REEP5: variants seen among roughly 807,000 people sequenced by gnomAD.
The protein encoded by REEP5 is receptor accessory protein 5.
In REEP5, 24 loss-of-function variants were observed where a neutral mutation model predicts 22.4. The observed-to-expected ratio is 1.07, with a 90% confidence interval of 0.78 to 1.51. The LOEUF (loss-of-function observed/expected upper bound fraction) is 1.51, where lower values mean the gene tolerates loss of function less well. REEP5 is among the 40% of genes most tolerant of loss of function. REEP5 has a pLI of 0.00. For missense variants in REEP5, 252 were observed against 233.0 expected (o/e 1.08, Z -0.53); for synonymous variants, 103 against 88.6 (o/e 1.16, Z -0.92).
At chr5:112,892,367 A>G (rs1320576444) in intron 3 of REEP5, 1 of 1,613,964 alleles carries the variant, frequency 6.2e-7, no homozygotes, top group East Asian at 2.2e-5. Context: ...CAGTTCCTAG[A>G]TTTCTATGAG....
Position 112,891,787 on chromosome 5 carries a change from CAGG to C in REEP5, c.352-4607_352-4605del, listed in dbSNP as rs1768461644. ...TCGACTGAGAGACTCAGGACTCTCA[CAGG>C]AGGAGGAAGAGGACACTTTTATTGA... On this transcript the variant is annotated intron_variant, in intron 3 of 4. Coordinates refer to ENST00000379638, the MANE Select transcript of REEP5 (RefSeq NM_005669.5). The C allele has an allele frequency of 1.9e-6, 3 of 1,608,534 alleles. No homozygotes were observed. In the South Asian group the frequency reaches 3.3e-5, roughly 18 times the overall value.
At chr5:112,908,914 G>A (rs1322584612) in intron 2 of REEP5, among the ~76,000 whole-genome samples, 1 of 141,076 alleles carries the variant, frequency 7.1e-6, no homozygotes, top group Admixed American at 7.1e-5. Flanking sequence ...GATATAATCT[G>A]TTTTGTTTTA....
chr5:112,914,512 G>A (rs1238747782), intron 2 of REEP5, among the ~76,000 whole-genome samples: 2 of 152,108 alleles, frequency 1.3e-5, no homozygotes, highest in African/African-American at 4.8e-5. Flanking sequence ...CAAAAAAACT[G>A]TTTGAATGAT....
chr5:112,884,913 G>A (rs567308658), intron 4 of REEP5, among the ~76,000 whole-genome samples: 9 of 151,736 alleles, frequency 5.9e-5, no homozygotes, highest in South Asian at 2.1e-4. Flanking sequence ...TGGTCTCTTC[G>A]GTATGCTGGT....
chr5:112,891,566 G>C, intron 3 of REEP5: 1 of 1,548,096 alleles, frequency 6.5e-7, no homozygotes, highest in Non-Finnish European at 8.7e-7. Flanking sequence ...CACTGACAGT[G>C]GCAGCTATGA....
At chr5:112,917,779 C>T (rs56032622) in intron 2 of REEP5, among the ~76,000 whole-genome samples, 1 of 152,172 alleles carries the variant, frequency 6.6e-6, no homozygotes, top group African/African-American at 2.4e-5. Flanking sequence ...ATGATTCCGT[C>T]TACATGAAAT....
chr5:112,891,937 G>C, intron 3 of REEP5: 13 of 1,241,134 alleles, frequency 1.0e-5, no homozygotes, highest in East Asian at 2.3e-5. Flanking sequence ...AAAGGAAGAG[G>C]CGGCTAAAAA....
At chr5:112,881,128 C>CAAAAAAAAAAAA (rs58737941) in intron 4 of REEP5, among the ~76,000 whole-genome samples, 1 of 67,204 alleles carries the variant, frequency 1.5e-5, no homozygotes. Flanking sequence ...GACTCTGTTT[C>CAAAAAAAAAAAA]AAAAAAAAAA....
Position 112,878,709 on chromosome 5 carries a change from A to G in REEP5, c.*77T>C, listed in dbSNP as rs1767971283. On this transcript the variant is annotated 3_prime_UTR_variant, in exon 5 of 5. Coordinates refer to ENST00000379638, the MANE Select transcript of REEP5 (RefSeq NM_005669.5). ...CCAAGGCAACATTATTAAAATAATT[A>G]TACCACAGTCCCTAATATAACATCA... 3 of 1,558,640 alleles carry G rather than the reference A, an allele frequency of 1.9e-6. No homozygotes were observed. Among genetic ancestry groups the G allele is most frequent in the African/African-American group, 2.8e-5 (2 of 72,522 alleles).
intron 3 of REEP5, chr5:112,893,990 CTG>C (rs998740084): frequency 6.6e-6 from 1 of 152,222 alleles, no homozygotes; most frequent in Non-Finnish European, 1.5e-5. Flanking sequence ...AATTAAATGA[CTG>C]TATTTTTCAC....
In REEP5 at chr5:112,878,815, A is replaced by C; in HGVS notation, c.541T>G (p.Leu181Val). The change falls in exon 5 of 5, where the codon TTA becomes GTA. Residue 181 changes from leucine to valine, a missense_variant. Transcript: ENST00000379638. The stretch of plus-strand genomic sequence containing the variant: ...GTGCTCTTCTTTTCTTCACCCAGTA[A>C]ATTCACGGTAGCTTTCTTCGCTGTT... The part of the protein sequence containing the change: ...TKEAKKATVN[L>V]LGEEKKST The C allele has an allele frequency of 6.2e-7, 1 of 1,614,074 alleles. No individual in the cohort carries two copies. The highest frequency in any genetic ancestry group is 8.5e-7 in the Non-Finnish European group (1 of 1,180,002).
intron 3 of REEP5, chr5:112,898,201 A>T (rs1005296229): frequency 4.6e-5 from 7 of 152,234 alleles, no homozygotes; most frequent in Admixed American, 2.6e-4. Flanking sequence ...TCTCCTACAG[A>T]CGAGACTCTG....
intron 2 of REEP5, among the ~76,000 whole-genome samples, chr5:112,911,921 A>G (rs1769112561): frequency 6.6e-6 from 1 of 152,212 alleles, no homozygotes; most frequent in South Asian, 2.1e-4. Context: ...AATGAAAGTG[A>G]AAAAATAAAT....
chr5:112,892,949 ACCAGGGCCGCCGGAG>A, intron 3 of REEP5: 1 of 1,598,102 alleles, frequency 6.3e-7, no homozygotes, highest in South Asian at 1.1e-5. Context: ...CGCAGCTGGG[ACCAGGGCCGCCGGAG>A]CCAGAGCCGC....
chr5:112,886,922 G>C lies in REEP5; in HGVS notation c.520+93C>G, dbSNP rs1003369318. The C allele has an allele frequency of 3.3e-6, 3 of 900,102 alleles. No homozygotes were observed. In the East Asian group the frequency reaches 7.5e-5, roughly 22 times the overall value. 55.8% of individuals were successfully genotyped at this position (900,102 alleles called of 1,614,324 possible). ...AATGTTGGCATTTGGCTGAGGGGTG[G>C]TGATAAGACAAGAAGGCCAGGAAGC... On this transcript the variant is annotated intron_variant, in intron 4 of 4. Transcript: ENST00000379638.
chr5:112,879,502 C>T (rs1768004179), intron 4 of REEP5, among the ~76,000 whole-genome samples: 1 of 152,154 alleles, frequency 6.6e-6, no homozygotes, highest in African/African-American at 2.4e-5. Context: ...GAGACGGAGT[C>T]TCGCTCTGTC....
At chr5:112,884,701 G>C in intron 4 of REEP5, among the ~76,000 whole-genome samples, 1 of 151,818 alleles carries the variant, frequency 6.6e-6, no homozygotes, top group Admixed American at 6.6e-5. Flanking sequence ...CTACTATTGA[G>C]TCTGATTCAG....
chr5:112,920,483 TAAA>T (rs967958296), intron 2 of REEP5, among the ~76,000 whole-genome samples: 2 of 151,938 alleles, frequency 1.3e-5, no homozygotes, highest in African/African-American at 4.8e-5. Context: ...ATCGTAGAAT[TAAA>T]AAAAATAAAC....
At chr5:112,885,787 G>T in intron 4 of REEP5, 1 of 244,312 alleles carries the variant, frequency 4.1e-6, no homozygotes. Context: ...CGTAGTCTGA[G>T]ACAGAGAGCC....
Sources: gnomAD v4.1 joint callset for allele counts (sites outside exome capture counted in the v4.1 genomes callset) on GRCh38, gnomAD v4.1.1 for gene constraint, MANE v1.5 for transcripts, NCBI Gene and HGNC (gene_info 2026-07-23, HGNC 2026-07-21) for gene names.